Variants in MAD1L1 observed in about 807,000 individuals in gnomAD.
The protein encoded by MAD1L1 is mitotic spindle assembly checkpoint protein MAD1.
A neutral mutation model predicts 96.9 loss-of-function variants in MAD1L1; 95 were observed. The ratio of observed to expected loss-of-function variants is 0.98; its 90% CI spans 0.83 to 1.16. The LOEUF is 1.16. Among genes scored for constraint, MAD1L1 ranks in the 50% most tolerant of loss-of-function variants. The pLI, the probability that MAD1L1 is intolerant of heterozygous loss-of-function variation, is 0.00. For missense variants in MAD1L1, 1,007 were observed against 954.4 expected (o/e 1.06, Z -0.73); for synonymous variants, 473 against 396.6 (o/e 1.19, Z -2.29).
intron 12 of MAD1L1, among the ~76,000 whole-genome samples, chr7:2,022,191 G>A (rs1032239580): frequency 1.1e-4 from 17 of 152,212 alleles, no homozygotes; most frequent in African/African-American, 4.1e-4. Context: ...GTGGGGTGAC[G>A]ATGGTGCAGG....
intron 17 of MAD1L1, among the ~76,000 whole-genome samples, chr7:1,906,006 C>A (rs975959371): frequency 1.4e-5 from 2 of 140,966 alleles, no homozygotes; most frequent in African/African-American, 5.4e-5. Context: ...GCCGAGATTG[C>A]GCCACTGCAC....
chr7:2,143,281 G>A (rs1051790233), intron 11 of MAD1L1, among the ~76,000 whole-genome samples: 3 of 150,990 alleles, frequency 2.0e-5, no homozygotes, highest in Admixed American at 1.3e-4. Flanking sequence ...CTTCTCCAGC[G>A]GGAGGCCCCT....
At chr7:1,992,738 C>G (rs1218208078) in intron 14 of MAD1L1, among the ~76,000 whole-genome samples, 1 of 152,178 alleles carries the variant, frequency 6.6e-6, no homozygotes, top group African/African-American at 2.4e-5. Context: ...CAAAAACAAG[C>G]CCCCAGGCGG....
At chr7:2,042,450 G>T (rs1406624859) in intron 12 of MAD1L1, among the ~76,000 whole-genome samples, 1 of 152,174 alleles carries the variant, frequency 6.6e-6, no homozygotes, top group Admixed American at 6.5e-5. Context: ...TTTAGAATCT[G>T]CAGCTAAAAT....
intron 11 of MAD1L1, among the ~76,000 whole-genome samples, chr7:2,148,855 C>T (rs934912949): frequency 6.6e-5 from 10 of 152,186 alleles, no homozygotes; most frequent in East Asian, 5.8e-4. Context: ...AAGACAAGAA[C>T]CCTCCTGATC....
intron 11 of MAD1L1, among the ~76,000 whole-genome samples, chr7:2,083,961 C>A (rs1249451921): frequency 2.0e-5 from 3 of 152,208 alleles, no homozygotes; most frequent in African/African-American, 7.2e-5. Context: ...ACTGGGGAAG[C>A]GGGCGCAGAC....
At chr7:1,984,705 C>T (rs764271267) in intron 14 of MAD1L1, among the ~76,000 whole-genome samples, 4 of 152,344 alleles carry the variant, frequency 2.6e-5, no homozygotes, top group Middle Eastern at 6.8e-3. Flanking sequence ...CTTTGCTTCC[C>T]GTACTTTCCA....
intron 18 of MAD1L1, among the ~76,000 whole-genome samples, chr7:1,861,074 A>G (rs1784521373): frequency 1.3e-5 from 2 of 152,210 alleles, no homozygotes; most frequent in Admixed American, 6.5e-5. Flanking sequence ...CACAAGTCCC[A>G]GCACGCAAGC....
intron 18 of MAD1L1, among the ~76,000 whole-genome samples, chr7:1,834,195 C>A (rs921328544): frequency 2.0e-5 from 3 of 151,882 alleles, no homozygotes; most frequent in African/African-American, 7.3e-5. Flanking sequence ...TAGGGGGAAA[C>A]TTATAGCACT....
Position 1,980,334 on chromosome 7 carries a change from C to T in MAD1L1, c.1505+119G>A. 1.1e-5 allele frequency: 9 copies of T among 804,222 alleles called. No homozygotes were observed. The South Asian group carries it at 1.6e-4, about 14-fold the overall frequency. 49.8% of individuals were successfully genotyped at this position (804,222 alleles called of 1,614,324 possible). ...ACACACCTGGGCGTATCCGCCTCCT[C>T]CCCCACAGGACACACCTGGGCGTAT... On this transcript the variant is annotated intron_variant, in intron 15 of 18. Coordinates refer to ENST00000265854, the MANE Select transcript of MAD1L1 (RefSeq NM_001013836.2).
intron 18 of MAD1L1, among the ~76,000 whole-genome samples, chr7:1,818,576 T>G (rs1020951632): frequency 6.6e-6 from 1 of 151,678 alleles, no homozygotes; most frequent in African/African-American, 2.4e-5. Context: ...ATAGATAGAC[T>G]TTAGCTATTT....
At chr7:1,848,559 GAGT>G (rs1326560781) in intron 18 of MAD1L1, 2 of 152,564 alleles carry the variant, frequency 1.3e-5, no homozygotes, top group African/African-American at 4.8e-5. Context: ...ACCCTACCAG[GAGT>G]AGAAGACAAG....
rs189748737 is a variant in MAD1L1, at chr7:2,042,052, G to C, written c.1218+27142C>G. ...ACACACGCACACGGACATGCACACA[G>C]ACACACAGATGCACGTACACACATA... On this transcript the variant is annotated intron_variant, in intron 12 of 18. Coordinates refer to ENST00000265854, the MANE Select transcript of MAD1L1 (RefSeq NM_001013836.2). 2.6e-5 allele frequency among the ~76,000 whole-genome samples: 4 copies of C among 151,196 alleles called. No individual in the cohort carries two copies. In the South Asian group the frequency reaches 8.4e-4, roughly 32 times the overall value.
intron 11 of MAD1L1, among the ~76,000 whole-genome samples, chr7:2,111,308 G>A (rs750131603): frequency 6.6e-6 from 1 of 152,170 alleles, no homozygotes; most frequent in African/African-American, 2.4e-5. Context: ...ACCTCTGCAC[G>A]CTGGCTGCCC....
chr7:2,006,200 C>G (rs1383772197), intron 13 of MAD1L1, among the ~76,000 whole-genome samples: 1 of 152,040 alleles, frequency 6.6e-6, no homozygotes, highest in Non-Finnish European at 1.5e-5. Flanking sequence ...GACGAGCAGG[C>G]CCTGTGGCCA....
At chr7:1,936,968 G>GTGACCCATGCT in intron 16 of MAD1L1, 71 bp from the exon 17 acceptor site, 1 of 1,253,612 alleles carries the variant, frequency 8.0e-7, no homozygotes, top group Non-Finnish European at 1.1e-6. Flanking sequence ...ACACAGCATG[G>GTGACCCATGCT]GTCACCATGG....
intron 11 of MAD1L1, among the ~76,000 whole-genome samples, chr7:2,141,286 G>A (rs1379792479): frequency 2.6e-5 from 4 of 152,252 alleles, no homozygotes; most frequent in East Asian, 3.9e-4. Flanking sequence ...CGCGTGCTGC[G>A]GGGCACAGCC....
intron 10 of MAD1L1, among the ~76,000 whole-genome samples, chr7:2,155,750 T>C (rs1369245959): frequency 1.3e-5 from 2 of 152,222 alleles, no homozygotes; most frequent in African/African-American, 2.4e-5. Context: ...TTGTGAATAA[T>C]GCTGCTAGGA....
intron 15 of MAD1L1, among the ~76,000 whole-genome samples, chr7:1,975,915 T>C (rs570431703): frequency 4.3e-4 from 66 of 152,338 alleles, no homozygotes; most frequent in African/African-American, 1.5e-3. Flanking sequence ...AGCAAGCGTC[T>C]AACCAGTTGC....
Sources: gnomAD v4.1 joint callset for allele counts (sites outside exome capture counted in the v4.1 genomes callset) on GRCh38, gnomAD v4.1.1 for gene constraint, MANE v1.5 for transcripts, NCBI Gene and HGNC (gene_info 2026-07-23, HGNC 2026-07-21) for gene names.